The following ZFHX4 variants were observed in gnomAD, a reference collection of about 807,000 sequenced individuals.
The protein encoded by ZFHX4 is zinc finger homeobox protein 4.
Under a neutral mutation model 267.6 loss-of-function variants are expected in ZFHX4, and 56 were observed. That is an observed-to-expected ratio of 0.21 (90% CI 0.17 to 0.26). ZFHX4 has a LOEUF of 0.26. Ranked by LOEUF, ZFHX4 falls within the 10% of genes least tolerant of loss-of-function variation. The probability of loss-of-function intolerance (pLI) is 1.00; values close to 1 mark genes in which losing one functional copy is unlikely to be tolerated. For synonymous variants in ZFHX4, 1,778 were observed against 1,665.6 expected (o/e 1.07, Z -1.64); for missense variants, 4,332 against 4,420.0 (o/e 0.98, Z 0.56).
intron 1 of ZFHX4, chr8:76,683,650 G>T (rs1807612498): frequency 7.9e-6 from 1 of 126,140 alleles, no homozygotes. Flanking sequence ...GAGGGGGGGA[G>T]AGAGGGAGAG....
At chr8:76,833,880 T>A (rs1312858836) in intron 5 of ZFHX4, among the ~76,000 whole-genome samples, 1 of 152,186 alleles carries the variant, frequency 6.6e-6, no homozygotes, top group Non-Finnish European at 1.5e-5. Flanking sequence ...TCTGTGCCAG[T>A]CTATTCATTG....
chr8:76,747,472 G>C (rs544536738), intron 3 of ZFHX4, among the ~76,000 whole-genome samples: 1 of 152,158 alleles, frequency 6.6e-6, no homozygotes, highest in Admixed American at 6.5e-5. Flanking sequence ...TCCCCTCTTT[G>C]TGTCCACGTG....
intron 3 of ZFHX4, among the ~76,000 whole-genome samples, chr8:76,752,487 C>CAAAAAAATA (rs1809642589): frequency 1.4e-5 from 1 of 70,964 alleles, no homozygotes; most frequent in African/African-American, 4.4e-5. Context: ...ACCAAAAATC[C>CAAAAAAATA]AAAAAAAAAA....
chr8:76,840,496 G>A (rs979915912), intron 5 of ZFHX4, among the ~76,000 whole-genome samples: 1 of 152,066 alleles, frequency 6.6e-6, no homozygotes, highest in African/African-American at 2.4e-5. Context: ...TGAAGAAGAG[G>A]ACCCTGCAAA....
rs1282897695 is a variant in ZFHX4 at position 76,852,218 on chromosome 8, G to A, written c.5297G>A (p.Gly1766Asp). 6.2e-7 allele frequency: 1 copy of A among 1,613,368 alleles called. No homozygotes were observed. The highest frequency in any genetic ancestry group is 8.5e-7 in the Non-Finnish European group (1 of 1,179,572). The change falls in exon 10 of 11, where the codon GGC becomes GAC. Residue 1766 changes from glycine to aspartate, a missense_variant. Around this residue, in one of 7 missense-constraint regions of ZFHX4, gnomAD observed 1,371 missense variants for 1,423.1 expected, o/e 0.96. Coordinates refer to ENST00000651372, the MANE Select transcript of ZFHX4 (RefSeq NM_024721.5). Reference protein sequence around the residue: ...LPGSATFGMPGMTGMAGSLLE... With the variant: ...LPGSATFGMPDMTGMAGSLLE... Reference sequence around the variant, plus strand: ...GGCTCTGCCACATTTGGGATGCCTGGCATGACAGGAATGGCTGGCTCCTTG... The same window carrying A: ...GGCTCTGCCACATTTGGGATGCCTGACATGACAGGAATGGCTGGCTCCTTG...
intron 3 of ZFHX4, among the ~76,000 whole-genome samples, chr8:76,732,056 G>C (rs1809029158): frequency 6.6e-6 from 1 of 151,930 alleles, no homozygotes; most frequent in Non-Finnish European, 1.5e-5. Context: ...TGGCCAGGCT[G>C]GTCTTGAACT....
chr8:76,708,854 T>C (rs75359725), intron 3 of ZFHX4, among the ~76,000 whole-genome samples: 1 of 152,228 alleles, frequency 6.6e-6, no homozygotes, highest in Non-Finnish European at 1.5e-5. Flanking sequence ...TCTTGGTTCA[T>C]GTACAAATAT....
rs540307971 is a variant in ZFHX4 at position 76,685,525 on chromosome 8, A to G, written c.-47+3905A>G. 2.6e-5 allele frequency among the ~76,000 whole-genome samples: 4 copies of G among 152,332 alleles called. No individual in the cohort carries two copies. The East Asian group carries it at 7.7e-4, about 29-fold the overall frequency. On this transcript the variant is annotated intron_variant, in intron 1 of 10. Transcript: ENST00000651372. ...AAAGCCCGTGTTCGATTAAGAACTA[A>G]AAGATATTGAAAATATAATATATAC...
In ZFHX4 at chr8:76,863,195, ACTCCACCAC is replaced by A. The variant is rs1563570133; in HGVS notation, c.9495_9503del (p.Pro3171_Pro3173del). Reference sequence around the variant, plus strand: ...TGCCCCCACCAAACCTTTGCTGCAGACTCCACCACCTCCACCACCTCCTCCTCCTCCTCC... The same window carrying A: ...TGCCCCCACCAAACCTTTGCTGCAGACTCCACCACCTCCTCCTCCTCCTCC... On this transcript the variant is annotated inframe_deletion, in exon 11 of 11. Transcript: ENST00000651372. 1.3e-6 allele frequency: 2 copies of A among 1,561,708 alleles called. No individual in the cohort carries two copies. The highest frequency in any genetic ancestry group is 1.2e-5 in the South Asian group (1 of 85,126).
At chr8:76,774,645 T>C (rs1229485491) in intron 3 of ZFHX4, among the ~76,000 whole-genome samples, 1 of 152,136 alleles carries the variant, frequency 6.6e-6, no homozygotes, top group Non-Finnish European at 1.5e-5. Context: ...ATAGTATATT[T>C]TCTCATAAAA....
At position 76,864,570 on chromosome 8, in the gene ZFHX4, G is replaced by A. The variant is rs542039768; in HGVS notation, c.*5G>A. 1.3e-6 allele frequency: 2 copies of A among 1,491,376 alleles called. No homozygotes were observed. Among genetic ancestry groups the A allele is most frequent in the Admixed American group, 2.3e-5 (1 of 43,004 alleles). 92.4% of individuals were successfully genotyped at this position (1,491,376 alleles called of 1,614,324 possible). ...ATGGATATGTTCAGTGTGTAGGAGTGAAGACAGGATCCCGTGCTTAAAAAA... is the reference window on the plus strand; with the variant it reads ...ATGGATATGTTCAGTGTGTAGGAGTAAAGACAGGATCCCGTGCTTAAAAAA... On this transcript the variant is annotated 3_prime_UTR_variant, in exon 11 of 11. Transcript: ENST00000651372.
At chr8:76,818,351 C>G (rs886342693) in intron 4 of ZFHX4, among the ~76,000 whole-genome samples, 1 of 151,966 alleles carries the variant, frequency 6.6e-6, no homozygotes, top group African/African-American at 2.4e-5. Context: ...AGAAACTATA[C>G]TAAAAGACTA....
At chr8:76,802,851 T>C in intron 4 of ZFHX4, among the ~76,000 whole-genome samples, 1 of 152,142 alleles carries the variant, frequency 6.6e-6, no homozygotes, top group East Asian at 1.9e-4. Context: ...AAAGAAATAT[T>C]AGAAGGAGAA....
intron 4 of ZFHX4, among the ~76,000 whole-genome samples, chr8:76,813,744 G>T (rs1811434876): frequency 6.6e-6 from 1 of 152,202 alleles, no homozygotes; most frequent in Middle Eastern, 3.4e-3. Context: ...TTTGTCTGTT[G>T]TTCTTCATTG....
At chr8:76,688,406 G>A (rs188816387) in intron 1 of ZFHX4, among the ~76,000 whole-genome samples, 70 of 152,190 alleles carry the variant, frequency 4.6e-4, no homozygotes, top group African/African-American at 1.7e-3. Context: ...GGAGAGAAGA[G>A]GGTACTGATG....
chr8:76,770,481 T>G (rs572166132), intron 3 of ZFHX4, among the ~76,000 whole-genome samples: 2 of 152,296 alleles, frequency 1.3e-5, no homozygotes, highest in Non-Finnish European at 2.9e-5. Flanking sequence ...TTCACTATTA[T>G]TCTTCCTAAC....
At chr8:76,751,088 C>G (rs1027814640) in intron 3 of ZFHX4, among the ~76,000 whole-genome samples, 17 of 152,120 alleles carry the variant, frequency 1.1e-4, no homozygotes, top group Admixed American at 1.0e-3. Context: ...CTTGCATCCT[C>G]TATGAAATGT....
intron 4 of ZFHX4, among the ~76,000 whole-genome samples, chr8:76,829,773 C>G (rs560150093): frequency 1.1e-4 from 17 of 151,956 alleles, no homozygotes; most frequent in Non-Finnish European, 2.2e-4. Context: ...GAGTCAAGAT[C>G]GCGCCACTGC....
At position 76,681,445 on chromosome 8, in the gene ZFHX4, C is replaced by G. The variant is rs1038660449; in HGVS notation, c.-222C>G. On this transcript the variant is annotated 5_prime_UTR_variant, in exon 1 of 11. Coordinates refer to ENST00000651372, the MANE Select transcript of ZFHX4 (RefSeq NM_024721.5). The stretch of plus-strand genomic sequence containing the variant: ...CCCCCGAGGACCGCTCCATGCCCCC[C>G]ACTTTCTGCTCCAGCGTTTTTATTT... The G allele has an allele frequency of 3.0e-5, 12 of 398,638 alleles. No individual in the cohort carries two copies. Among genetic ancestry groups the G allele is most frequent in the South Asian group, 2.6e-4 (2 of 7,826 alleles). 24.7% of individuals were successfully genotyped at this position (398,638 alleles called of 1,614,324 possible). A position where few individuals can be genotyped will look rare whatever the true frequency, so the allele number is the denominator to read the frequency against.
Sources: allele counts gnomAD v4.1 joint callset (sites outside exome capture counted in the v4.1 genomes callset), GRCh38; gene constraint gnomAD v4.1.1; regional missense constraint gnomAD v4.1.1; transcripts MANE v1.5; gene names NCBI Gene and HGNC (gene_info 2026-07-23, HGNC 2026-07-21).